Variants in TRIM9 observed in about 807,000 individuals in gnomAD.
The protein encoded by TRIM9 is E3 ubiquitin-protein ligase TRIM9.
In TRIM9, 26 loss-of-function variants were observed where a neutral mutation model predicts 78.3. That is an observed-to-expected ratio of 0.33 (90% CI 0.24 to 0.46). The LOEUF (loss-of-function observed/expected upper bound fraction) is 0.46, where lower values mean the gene tolerates loss of function less well. Among genes scored for constraint, TRIM9 ranks in the 20% least tolerant of loss-of-function variants. The pLI is 1.00. For synonymous variants in TRIM9, 398 were observed against 416.5 expected (o/e 0.96, Z 0.54); for missense variants, 787 against 1,036.4 (o/e 0.76, Z 3.30).
At chr14:50,979,251 C>G (rs2275463) in intron 12 of TRIM9, 136 bp downstream of exon 12, 90,380 of 1,528,214 alleles carry the variant, frequency 0.059, 3,111 homozygotes, top group East Asian at 0.15. Context: ...ATCCCTTTCT[C>G]TCCTCCTCTC....
At chr14:51,031,995 T>G (rs1452303543) in intron 1 of TRIM9, among the ~76,000 whole-genome samples, 1 of 152,224 alleles carries the variant, frequency 6.6e-6, no homozygotes, top group Non-Finnish European at 1.5e-5. Flanking sequence ...CAACACACTG[T>G]TACATAGAAT....
intron 11 of TRIM9, among the ~76,000 whole-genome samples, chr14:50,981,049 A>C (rs943125466): frequency 6.6e-6 from 1 of 152,006 alleles, no homozygotes; most frequent in Admixed American, 6.6e-5. Flanking sequence ...AAGGTGGACC[A>C]GGGTCCACAG....
At chr14:51,054,366 G>A (rs973958441) in intron 1 of TRIM9, among the ~76,000 whole-genome samples, 2 of 152,058 alleles carry the variant, frequency 1.3e-5, no homozygotes, top group Admixed American at 6.6e-5. Context: ...TCTGCCTCTC[G>A]GGCTCAAGCC....
chr14:51,079,978 G>A (rs756220011), intron 1 of TRIM9, among the ~76,000 whole-genome samples: 5 of 152,170 alleles, frequency 3.3e-5, no homozygotes, highest in Non-Finnish European at 7.3e-5. Flanking sequence ...AAGCTAGCAA[G>A]TAGTGCAAAT....
At chr14:51,026,740 T>C (rs2058264405) in intron 1 of TRIM9, among the ~76,000 whole-genome samples, 1 of 151,546 alleles carries the variant, frequency 6.6e-6, no homozygotes, top group African/African-American at 2.5e-5. Context: ...CAATGTGGGA[T>C]GGTAGAAAGA....
chr14:51,010,147 G>T (rs2056393519), intron 4 of TRIM9, among the ~76,000 whole-genome samples: 1 of 151,092 alleles, frequency 6.6e-6, no homozygotes, highest in African/African-American at 2.4e-5. Context: ...AAAAGAAAAA[G>T]AAAAAGAAAA....
chr14:51,077,552 C>A (rs1038532606), intron 1 of TRIM9, among the ~76,000 whole-genome samples: 3 of 152,062 alleles, frequency 2.0e-5, no homozygotes, highest in Non-Finnish European at 2.9e-5. Context: ...CACCACCATG[C>A]CTGGCTAATT....
intron 1 of TRIM9, among the ~76,000 whole-genome samples, chr14:51,038,048 C>T (rs2059301028): frequency 6.6e-6 from 1 of 152,096 alleles, no homozygotes; most frequent in African/African-American, 2.4e-5. Context: ...TCTAAAATGT[C>T]CATGCCCGAA....
At chr14:50,984,328 AT>A (rs1414911559) in intron 8 of TRIM9, among the ~76,000 whole-genome samples, 1 of 152,252 alleles carries the variant, frequency 6.6e-6, no homozygotes, top group Non-Finnish European at 1.5e-5. Flanking sequence ...ACTTAAAAGA[AT>A]TTTACAAGAA....
intron 10 of TRIM9, chr14:50,982,362 G>T (rs1253090689): frequency 3.8e-6 from 2 of 530,098 alleles, no homozygotes; most frequent in Non-Finnish European, 6.8e-6. Flanking sequence ...ATCCGGGAGT[G>T]AAGTGGCATC....
At chr14:51,046,914 A>G (rs546365556) in intron 1 of TRIM9, among the ~76,000 whole-genome samples, 10 of 152,352 alleles carry the variant, frequency 6.6e-5, no homozygotes, top group African/African-American at 2.4e-4. Context: ...CTCTTATTAT[A>G]TGAACATTAT....
intron 11 of TRIM9, among the ~76,000 whole-genome samples, chr14:50,981,447 C>CA (rs1270626099): frequency 1.3e-5 from 2 of 152,132 alleles, no homozygotes; most frequent in African/African-American, 2.4e-5. Flanking sequence ...AACTGAGGTT[C>CA]AAAAAACGAA....
At chr14:51,020,889 T>C (rs1437931041) in intron 3 of TRIM9, among the ~76,000 whole-genome samples, 2 of 152,232 alleles carry the variant, frequency 1.3e-5, no homozygotes, top group Non-Finnish European at 2.9e-5. Context: ...CATGTGACTG[T>C]CGCAAACTGT....
At position 51,094,392 on chromosome 14, in the gene TRIM9, T is replaced by G; in HGVS notation, c.548A>C (p.Glu183Ala). 1 of 1,613,916 alleles carries G rather than the reference T, an allele frequency of 6.2e-7. No individual in the cohort carries two copies. The highest frequency in any genetic ancestry group is 8.5e-7 in the Non-Finnish European group (1 of 1,179,992). Residue 183 changes from glutamate to alanine, a missense_variant, in exon 1 of 13, where the codon GAA (glutamate) becomes GCA (alanine). Physicochemically the swap from Glu to Ala is moderately radical, Grantham distance 107 (BLOSUM62 -1). Around this residue, in one of 3 missense-constraint regions of TRIM9, gnomAD observed 352 missense variants for 472.3 expected, o/e 0.75. Coordinates refer to ENST00000684578, the MANE Select transcript of TRIM9 (RefSeq NM_001387360.1). ...ATCGCAGTAGAAGACATCGCACTGT[T>G]CGCACATGACGGTGGCTTCCTTGGG... Reference protein sequence around the residue: ...KAPKEATVMCEQCDVFYCDPC... With the variant: ...KAPKEATVMCAQCDVFYCDPC...
At chr14:51,021,788 C>A (rs2057783577) in intron 3 of TRIM9, among the ~76,000 whole-genome samples, 1 of 152,180 alleles carries the variant, frequency 6.6e-6, no homozygotes, top group Non-Finnish European at 1.5e-5. Flanking sequence ...TGTTGCCCTG[C>A]ACCAATGGGG....
intron 7 of TRIM9, chr14:50,996,608 G>A (rs2054236110): frequency 1.0e-6 from 1 of 985,292 alleles, no homozygotes; most frequent in Admixed American, 6.1e-5. Context: ...ACACACATGG[G>A]AAATGAGGCC....
intron 1 of TRIM9, among the ~76,000 whole-genome samples, chr14:51,033,682 C>T (rs1373236382): frequency 3.3e-5 from 5 of 152,190 alleles, no homozygotes; most frequent in Non-Finnish European, 7.3e-5. Context: ...TTTGCTCTTC[C>T]TCTTTGTCAC....
chr14:51,046,739 G>A (rs544820317), intron 1 of TRIM9, among the ~76,000 whole-genome samples: 137 of 152,230 alleles, frequency 9.0e-4, no homozygotes, highest in African/African-American at 3.1e-3. Context: ...TGTATTACCC[G>A]TAAAACCCTG....
chr14:50,988,179 A>G lies in TRIM9; in HGVS notation c.1604-2035T>C, dbSNP rs532685534. On this transcript the variant is annotated intron_variant, in intron 7 of 12. Coordinates refer to ENST00000684578, the MANE Select transcript of TRIM9 (RefSeq NM_001387360.1). Reference sequence around the variant, plus strand: ...GTGTGACAGTCAATTCATGATATTGAAAATATTTGTTGCTTTAAAATTTAA... The same window carrying G: ...GTGTGACAGTCAATTCATGATATTGGAAATATTTGTTGCTTTAAAATTTAA... 2.0e-4 allele frequency among the ~76,000 whole-genome samples: 30 copies of G among 152,318 alleles called. No individual in the cohort carries two copies. The South Asian group carries it at 5.4e-3, about 27-fold the overall frequency.
Sources: allele counts gnomAD v4.1 joint callset (sites outside exome capture counted in the v4.1 genomes callset), GRCh38; gene constraint gnomAD v4.1.1; regional missense constraint gnomAD v4.1.1; transcripts MANE v1.5; gene names NCBI Gene and HGNC (gene_info 2026-07-23, HGNC 2026-07-21).